The following SMAP1 variants were observed in gnomAD, a reference collection of about 807,000 sequenced individuals.
SMAP1 encodes stromal membrane-associated protein 1.
A neutral mutation model predicts 58.5 loss-of-function variants in SMAP1; 24 were observed. The ratio of observed to expected loss-of-function variants is 0.41; its 90% CI spans 0.30 to 0.58. The LOEUF (loss-of-function observed/expected upper bound fraction) is 0.58. Ranked by LOEUF, SMAP1 falls within the 20% of genes least tolerant of loss-of-function variation. The pLI is 0.29. For synonymous variants in SMAP1, 216 were observed against 196.6 expected (o/e 1.10, Z -0.82); for missense variants, 563 against 566.3 (o/e 0.99, Z 0.06).
intron 5 of SMAP1, among the ~76,000 whole-genome samples, chr6:70,794,162 C>T (rs1189734651): frequency 6.6e-6 from 1 of 152,194 alleles, no homozygotes; most frequent in Non-Finnish European, 1.5e-5. Flanking sequence ...TTCACTACGT[C>T]ACTTGTGCAT....
chr6:70,771,022 C>T (rs980301437), intron 3 of SMAP1, among the ~76,000 whole-genome samples: 3 of 152,120 alleles, frequency 2.0e-5, no homozygotes, highest in South Asian at 4.1e-4. Context: ...CACTCCAGAC[C>T]CTGTTTGCCT....
intron 2 of SMAP1, among the ~76,000 whole-genome samples, chr6:70,745,401 G>C (rs927843742): frequency 1.3e-5 from 2 of 152,138 alleles, no homozygotes; most frequent in African/African-American, 4.8e-5. Flanking sequence ...TGGCTAGCCA[G>C]TTTTCCCAGC....
intron 1 of SMAP1, among the ~76,000 whole-genome samples, chr6:70,671,554 G>A (rs1055958543): frequency 6.6e-6 from 1 of 152,086 alleles, no homozygotes; most frequent in African/African-American, 2.4e-5. Flanking sequence ...CTCCAGCCTG[G>A]GTGACAGAAC....
chr6:70,741,920 A>G (rs1765829862), intron 2 of SMAP1, among the ~76,000 whole-genome samples: 1 of 152,190 alleles, frequency 6.6e-6, no homozygotes, highest in South Asian at 2.1e-4. Flanking sequence ...CACCCTCTGG[A>G]GCCATGGTCT....
At chr6:70,745,813 A>C (rs1385932427) in intron 2 of SMAP1, among the ~76,000 whole-genome samples, 1 of 152,178 alleles carries the variant, frequency 6.6e-6, no homozygotes. Context: ...TGAGCATGGA[A>C]TGTTCTTCCA....
intron 3 of SMAP1, among the ~76,000 whole-genome samples, chr6:70,757,681 C>G (rs2149892706): frequency 6.6e-6 from 1 of 151,980 alleles, no homozygotes; most frequent in African/African-American, 2.4e-5. Flanking sequence ...AAGAAAAAAA[C>G]AAACAACCCC....
intron 2 of SMAP1, among the ~76,000 whole-genome samples, chr6:70,746,732 G>T (rs1410118527): frequency 6.6e-6 from 1 of 152,164 alleles, no homozygotes; most frequent in Non-Finnish European, 1.5e-5. Context: ...GATTGGAATA[G>T]TTTCAGAAGG....
chr6:70,697,508 A>T (rs549504112), intron 1 of SMAP1, among the ~76,000 whole-genome samples: 77 of 152,112 alleles, frequency 5.1e-4, no homozygotes, highest in African/African-American at 1.6e-3. Context: ...GGTTTTCACC[A>T]TGTTGGCCAG....
Position 70,674,945 on chromosome 6 carries a change from A to G in SMAP1, c.118+6804A>G, listed in dbSNP as rs191456366. 2.3e-3 allele frequency among the ~76,000 whole-genome samples: 353 copies of G among 152,298 alleles called. 1 individual carries two copies. Among genetic ancestry groups the G allele is most frequent in the South Asian group, 5.4e-3 (26 of 4,826 alleles). On this transcript the variant is annotated intron_variant, in intron 1 of 10. Coordinates refer to ENST00000370455, the MANE Select transcript of SMAP1 (RefSeq NM_001044305.3). Reference sequence around the variant, plus strand: ...AGCCGAGATGGCGCCACTGCACTCCATCCAGCCTGGGCGACAGAGTGGGAC... The same window carrying G: ...AGCCGAGATGGCGCCACTGCACTCCGTCCAGCCTGGGCGACAGAGTGGGAC...
rs146995116 is a variant in SMAP1, at chr6:70,683,940, G to T, written c.118+15799G>T. Among the ~76,000 whole-genome samples the T allele has an allele frequency of 1.6e-3, 241 of 152,272 alleles. 1 individual carries two copies. The highest frequency in any genetic ancestry group is 5.6e-3 in the African/African-American group (231 of 41,548). On this transcript the variant is annotated intron_variant, in intron 1 of 10. Transcript: ENST00000370455. The stretch of plus-strand genomic sequence containing the variant: ...GGTCACGTATTAATGTGTTACCCTT[G>T]ACCTTCACAAAAGATAGCACCCAAC...
intron 3 of SMAP1, among the ~76,000 whole-genome samples, chr6:70,763,149 C>A (rs1172051369): frequency 8.8e-6 from 1 of 114,058 alleles, no homozygotes; most frequent in African/African-American, 3.4e-5. Flanking sequence ...AATGTTGTGG[C>A]AACCCTATGC....
chr6:70,748,483 A>G (rs1293419725), intron 2 of SMAP1, among the ~76,000 whole-genome samples: 1 of 152,152 alleles, frequency 6.6e-6, no homozygotes, highest in African/African-American at 2.4e-5. Flanking sequence ...AATAAATGCC[A>G]TATTTATGCT....
intron 1 of SMAP1, among the ~76,000 whole-genome samples, chr6:70,671,628 C>T (rs766012826): frequency 4.6e-5 from 7 of 152,264 alleles, no homozygotes; most frequent in Non-Finnish European, 7.4e-5. Flanking sequence ...TCACATTGAG[C>T]GGTTTCTTCC....
At chr6:70,835,176 C>T (rs1371272845) in intron 6 of SMAP1, among the ~76,000 whole-genome samples, 14 of 147,932 alleles carry the variant, frequency 9.5e-5, no homozygotes, top group East Asian at 6.1e-4. Context: ...GGCTTGAACC[C>T]GAGAGGCGGA....
At chr6:70,807,645 A>G (rs1582229774) in intron 6 of SMAP1, among the ~76,000 whole-genome samples, 1 of 152,218 alleles carries the variant, frequency 6.6e-6, no homozygotes, top group South Asian at 2.1e-4. Flanking sequence ...TAAGTTTTAT[A>G]GGTTTTCTCA....
chr6:70,738,026 G>C (rs939075676), intron 2 of SMAP1, among the ~76,000 whole-genome samples: 1 of 152,096 alleles, frequency 6.6e-6, no homozygotes, highest in Non-Finnish European at 1.5e-5. Context: ...AAGTGAAATC[G>C]ATTGCCTTGG....
At chr6:70,725,209 C>A (rs529378113) in intron 1 of SMAP1, among the ~76,000 whole-genome samples, 4 of 139,816 alleles carry the variant, frequency 2.9e-5, no homozygotes, top group African/African-American at 1.1e-4. Flanking sequence ...CTCTGCCTCC[C>A]GGGTTCACAT....
At chr6:70,710,512 AAAAAG>A (rs1371761341) in intron 1 of SMAP1, among the ~76,000 whole-genome samples, 2 of 151,612 alleles carry the variant, frequency 1.3e-5, no homozygotes, top group South Asian at 4.2e-4. Flanking sequence ...AAAAAAAAAA[AAAAAG>A]GGTAAACGGC....
At chr6:70,668,760 T>G in intron 1 of SMAP1, 1 of 1,528,666 alleles carries the variant, frequency 6.5e-7, no homozygotes, top group Non-Finnish European at 8.8e-7. Context: ...AGAAAGGTCT[T>G]TATTAGTAGT....
Sources: allele counts gnomAD v4.1 joint callset (sites outside exome capture counted in the v4.1 genomes callset), GRCh38; gene constraint gnomAD v4.1.1; transcripts MANE v1.5; gene names NCBI Gene and HGNC (gene_info 2026-07-23, HGNC 2026-07-21).